GALNT2: variants seen among roughly 807,000 people sequenced by gnomAD.
GALNT2 encodes the protein UDP-GalNAc:polypeptide N-acetylgalactosaminyltransferase 2.
Under a neutral mutation model 81.4 loss-of-function variants are expected in GALNT2, and 31 were observed. That is an observed-to-expected ratio of 0.38 (90% CI 0.29 to 0.51). GALNT2 has a LOEUF of 0.51. Ranked by LOEUF, GALNT2 falls within the 20% of genes least tolerant of loss-of-function variation. GALNT2 has a pLI of 0.87. For missense variants in GALNT2, 629 were observed against 765.7 expected (o/e 0.82, Z 2.11); for synonymous variants, 303 against 287.4 (o/e 1.05, Z -0.55).
chr1:230,273,148 G>C (rs926325081), intron 14 of GALNT2, among the ~76,000 whole-genome samples: 1 of 152,118 alleles, frequency 6.6e-6, no homozygotes, highest in African/African-American at 2.4e-5. Flanking sequence ...AGACAGTGAG[G>C]CTTCTTTAAA....
At chr1:230,278,548 G>C (rs528808635) in intron 15 of GALNT2, among the ~76,000 whole-genome samples, 3 of 152,124 alleles carry the variant, frequency 2.0e-5, no homozygotes, top group East Asian at 3.9e-4. Flanking sequence ...TTGGTTGTTC[G>C]CTTGATTTGA....
chr1:230,214,193 A>G (rs940943903), intron 3 of GALNT2, among the ~76,000 whole-genome samples: 5 of 151,744 alleles, frequency 3.3e-5, no homozygotes, highest in Non-Finnish European at 5.9e-5. Context: ...GCTCACTGCA[A>G]CCTCCGCCTC....
At chr1:230,248,953 G>A (rs1315108884) in intron 8 of GALNT2, among the ~76,000 whole-genome samples, 2 of 152,134 alleles carry the variant, frequency 1.3e-5, no homozygotes, top group Admixed American at 6.5e-5. Flanking sequence ...TTTCTTTAGG[G>A]AGGGGCAGGG....
chr1:230,250,933 T>G (rs1665528364), intron 10 of GALNT2, among the ~76,000 whole-genome samples: 1 of 152,188 alleles, frequency 6.6e-6, no homozygotes, highest in Non-Finnish European at 1.5e-5. Context: ...CCGGCGAGGC[T>G]GGTGGGATTG....
chr1:230,074,445 T>TC (rs1473924745), intron 1 of GALNT2, among the ~76,000 whole-genome samples: 1 of 152,126 alleles, frequency 6.6e-6, no homozygotes, highest in Non-Finnish European at 1.5e-5. Context: ...CCCCAGCCTC[T>TC]CCCCACTAGA....
At chr1:230,088,430 T>TA (rs1056483335) in intron 1 of GALNT2, among the ~76,000 whole-genome samples, 70 of 152,214 alleles carry the variant, frequency 4.6e-4, no homozygotes, top group African/African-American at 1.7e-3. Flanking sequence ...GTTTTTTTTT[T>TA]AATTCATTTT....
chr1:230,260,247 G>T (rs1318693908), intron 11 of GALNT2, among the ~76,000 whole-genome samples: 1 of 152,056 alleles, frequency 6.6e-6, no homozygotes, highest in Non-Finnish European at 1.5e-5. Flanking sequence ...AAACAAGGAG[G>T]GCCTGGACAA....
chr1:230,111,480 G>A (rs762636021), intron 1 of GALNT2, among the ~76,000 whole-genome samples: 2 of 152,254 alleles, frequency 1.3e-5, no homozygotes, highest in African/African-American at 4.8e-5. Flanking sequence ...ATGAGACTCT[G>A]AAAGTGTTCA....
chr1:230,274,705 A>C lies in GALNT2; in HGVS notation c.1560+141A>C, dbSNP rs192927704. Reference sequence around the variant, plus strand: ...GTGTTCTTTTGCATCACTGTGAATAATGTCTAGCTGCCCTATTAGACTTAA... The same window carrying C: ...GTGTTCTTTTGCATCACTGTGAATACTGTCTAGCTGCCCTATTAGACTTAA... On this transcript the variant is annotated intron_variant, in intron 15 of 15. Coordinates refer to ENST00000366672, the MANE Select transcript of GALNT2 (RefSeq NM_004481.5). 86 of 988,568 alleles carry C rather than the reference A, an allele frequency of 8.7e-5. 1 individual carries two copies. The East Asian group carries it at 2.3e-3, about 27-fold the overall frequency. The allele number at this position is 988,568 out of a possible 1,614,324, so 61.2% of individuals were successfully genotyped here. A position where few individuals can be genotyped will look rare whatever the true frequency, so the allele number is the denominator to read the frequency against.
chr1:230,162,892 C>T (rs144142979), intron 1 of GALNT2, among the ~76,000 whole-genome samples: 74 of 152,328 alleles, frequency 4.9e-4, no homozygotes, highest in African/African-American at 1.6e-3. Context: ...CATGACTGTC[C>T]ATACTGTGTT....
At chr1:230,067,915 C>T (rs2102738824) in intron 1 of GALNT2, among the ~76,000 whole-genome samples, 1 of 152,328 alleles carries the variant, frequency 6.6e-6, no homozygotes, top group Admixed American at 6.5e-5. Flanking sequence ...GTTTCTGCCA[C>T]CTTCTTTGCC....
At chr1:230,116,537 A>G (rs1467421161) in intron 1 of GALNT2, among the ~76,000 whole-genome samples, 1 of 152,144 alleles carries the variant, frequency 6.6e-6, no homozygotes, top group Non-Finnish European at 1.5e-5. Flanking sequence ...CACAAAATGT[A>G]TTTCTTAAAC....
chr1:230,136,367 T>C (rs1661541004), intron 1 of GALNT2, among the ~76,000 whole-genome samples: 1 of 152,174 alleles, frequency 6.6e-6, no homozygotes, highest in Non-Finnish European at 1.5e-5. Flanking sequence ...GCCATAGAGC[T>C]CCAGGAGAGA....
At chr1:230,272,101 A>T (rs1161165940) in intron 14 of GALNT2, among the ~76,000 whole-genome samples, 1 of 152,220 alleles carries the variant, frequency 6.6e-6, no homozygotes, top group Admixed American at 6.5e-5. Flanking sequence ...CCTGTGGCTC[A>T]GGAAATGACA....
At chr1:230,129,378 C>T (rs1235599674) in intron 1 of GALNT2, among the ~76,000 whole-genome samples, 1 of 152,146 alleles carries the variant, frequency 6.6e-6, no homozygotes, top group Admixed American at 6.5e-5. Context: ...AATGCAGAGG[C>T]GTGATCGTAG....
At chr1:230,223,751 G>C (rs542895879) in intron 3 of GALNT2, among the ~76,000 whole-genome samples, 1 of 152,324 alleles carries the variant, frequency 6.6e-6, no homozygotes, top group East Asian at 1.9e-4. Flanking sequence ...GATTGTAGGC[G>C]TGAGCCACTG....
At chr1:230,249,333 G>A in intron 9 of GALNT2, 62 bp downstream of exon 9, 1 of 1,477,058 alleles carries the variant, frequency 6.8e-7, no homozygotes, top group African/African-American at 1.4e-5. Context: ...CAGCTTCTTT[G>A]CTGGGCCCGC....
chr1:230,202,065 C>T (rs1256542154), intron 2 of GALNT2, among the ~76,000 whole-genome samples: 2 of 152,042 alleles, frequency 1.3e-5, no homozygotes, highest in African/African-American at 4.8e-5. Flanking sequence ...GCCATTAAGT[C>T]CTCGTGAAGA....
chr1:230,092,230 T>C (rs1314986494), intron 1 of GALNT2, among the ~76,000 whole-genome samples: 3 of 151,258 alleles, frequency 2.0e-5, no homozygotes, highest in Non-Finnish European at 4.4e-5. Context: ...TAGGCTCGTC[T>C]ATGTAATTTG....
Sources: gnomAD v4.1 joint callset for allele counts (sites outside exome capture counted in the v4.1 genomes callset) on GRCh38, gnomAD v4.1.1 for gene constraint, MANE v1.5 for transcripts, NCBI Gene and HGNC (gene_info 2026-07-23, HGNC 2026-07-21) for gene names.